Variants in ARHGAP10 observed in about 807,000 individuals in gnomAD.
ARHGAP10 encodes the protein Rho GTPase activating protein 10, also known as rho GTPase-activating protein 10.
ARHGAP10 carries 87 observed loss-of-function variants against 108.6 expected under a neutral mutation model. That is an observed-to-expected ratio of 0.80 (90% CI 0.67 to 0.96). The LOEUF is 0.96. Among genes scored for constraint, ARHGAP10 ranks in the 40% least tolerant of loss-of-function variants. ARHGAP10 has a pLI of 0.00. For missense variants in ARHGAP10, 939 were observed against 954.5 expected (o/e 0.98, Z 0.21); for synonymous variants, 347 against 341.1 (o/e 1.02, Z -0.19).
Position 147,767,830 on chromosome 4 carries a change from G to A in ARHGAP10, c.154+35375G>A, listed in dbSNP as rs115571120. Among the ~76,000 whole-genome samples, 570 of 152,332 alleles carry A rather than the reference G, an allele frequency of 3.7e-3. 6 individuals carry two copies. The highest frequency in any genetic ancestry group is 0.013 in the African/African-American group (532 of 41,580). ...AAAATTGAAAATAATTGTGATGGCA[G>A]TGGAGGACCAGTGAATAACATATTT... On this transcript the variant is annotated intron_variant, in intron 1 of 22. Transcript: ENST00000336498.
chr4:147,918,626 G>A (rs533400871), intron 13 of ARHGAP10, among the ~76,000 whole-genome samples: 8 of 152,266 alleles, frequency 5.3e-5, no homozygotes, highest in Middle Eastern at 3.4e-3. Flanking sequence ...CTGGACTTAG[G>A]GGCCCTTCAT....
At chr4:148,049,644 G>A (rs1311328914) in intron 20 of ARHGAP10, among the ~76,000 whole-genome samples, 1 of 152,000 alleles carries the variant, frequency 6.6e-6, no homozygotes, top group East Asian at 1.9e-4. Context: ...CCGTATTTCT[G>A]CTGATACTTA....
chr4:147,752,588 C>T lies in ARHGAP10; in HGVS notation c.154+20133C>T, dbSNP rs10004995. ...GGGTCTCATTTGTTGCTTAGGCTGG[C>T]GTGATCTTGGCTCACTGCAACCTCC... On this transcript the variant is annotated intron_variant, in intron 1 of 22. Coordinates refer to ENST00000336498, the MANE Select transcript of ARHGAP10 (RefSeq NM_024605.4). Among the ~76,000 whole-genome samples, 1,398 of 150,538 alleles carry T rather than the reference C, an allele frequency of 9.3e-3. 14 individuals are homozygous for T. The highest frequency in any genetic ancestry group is 0.032 in the African/African-American group (1,326 of 40,888).
intron 4 of ARHGAP10, among the ~76,000 whole-genome samples, chr4:147,855,752 A>T (rs146575703): frequency 2.6e-5 from 4 of 151,770 alleles, no homozygotes; most frequent in Non-Finnish European, 5.9e-5. Flanking sequence ...AAAAGGGAAG[A>T]AACCTCAGTT....
intron 16 of ARHGAP10, among the ~76,000 whole-genome samples, chr4:147,957,473 G>A (rs893022101): frequency 6.6e-6 from 1 of 152,116 alleles, no homozygotes; most frequent in South Asian, 2.1e-4. Flanking sequence ...TTGGAAAATC[G>A]GGATTGTGGT....
chr4:147,976,723 T>G (rs1490615994), intron 18 of ARHGAP10, among the ~76,000 whole-genome samples: 1 of 152,198 alleles, frequency 6.6e-6, no homozygotes, highest in Non-Finnish European at 1.5e-5. Context: ...TGGAAGCTTC[T>G]GCTGTCATGT....
At chr4:147,743,634 G>A (rs1728786382) in intron 1 of ARHGAP10, among the ~76,000 whole-genome samples, 1 of 152,092 alleles carries the variant, frequency 6.6e-6, no homozygotes, top group Non-Finnish European at 1.5e-5. Flanking sequence ...AAAATTAACT[G>A]GGCATGGTGG....
At chr4:147,969,330 T>TC (rs1273257678) in intron 18 of ARHGAP10, among the ~76,000 whole-genome samples, 1 of 144,452 alleles carries the variant, frequency 6.9e-6, no homozygotes, top group Non-Finnish European at 1.5e-5. Flanking sequence ...TTGCCTTTTT[T>TC]TTTTTTTTTT....
chr4:147,886,823 G>A (rs1404570436), intron 10 of ARHGAP10, among the ~76,000 whole-genome samples: 1 of 151,996 alleles, frequency 6.6e-6, no homozygotes, highest in Non-Finnish European at 1.5e-5. Context: ...CAGGCTGGAG[G>A]GCAGTGGCAC....
intron 1 of ARHGAP10, among the ~76,000 whole-genome samples, chr4:147,746,404 C>CTT (rs557860855): frequency 2.8e-4 from 37 of 131,532 alleles, no homozygotes; most frequent in African/African-American, 9.5e-4. Flanking sequence ...GCCAGGCCTG[C>CTT]TTTTTTTTTT....
At chr4:148,005,053 C>T (rs1041098441) in intron 18 of ARHGAP10, among the ~76,000 whole-genome samples, 15 of 152,264 alleles carry the variant, frequency 9.9e-5, no homozygotes, top group African/African-American at 3.6e-4. Flanking sequence ...AATCTCATGC[C>T]ACTTGCTGAT....
chr4:147,835,926 A>G (rs1228170853), intron 3 of ARHGAP10, among the ~76,000 whole-genome samples: 4 of 152,234 alleles, frequency 2.6e-5, no homozygotes, highest in African/African-American at 7.2e-5. Flanking sequence ...CCTTATGCAC[A>G]GAGGGAAGGA....
chr4:147,995,922 T>G (rs543366181), intron 18 of ARHGAP10, among the ~76,000 whole-genome samples: 1 of 152,286 alleles, frequency 6.6e-6, no homozygotes, highest in Non-Finnish European at 1.5e-5. Context: ...TTTCACCATG[T>G]CAGCCAGGAT....
At chr4:148,023,565 T>A (rs1741654970) in intron 19 of ARHGAP10, 152 bp downstream of exon 19, 2 of 932,376 alleles carry the variant, frequency 2.1e-6, no homozygotes, top group African/African-American at 3.4e-5. Context: ...AGGGTGAAGC[T>A]TTTTTGTAAG....
chr4:147,928,267 C>T (rs1309427070), intron 13 of ARHGAP10, among the ~76,000 whole-genome samples: 1 of 152,272 alleles, frequency 6.6e-6, no homozygotes, highest in East Asian at 1.9e-4. Context: ...ATTTGCTTTG[C>T]ACTTTTTAAA....
At position 147,757,699 on chromosome 4, in the gene ARHGAP10, C is replaced by T. The variant is rs111808390; in HGVS notation, c.154+25244C>T. ...TGAGTGTCCTCAGCTTCACCTTCCA[C>T]GACTGCACACCTGGGTACTTAACCT... On this transcript the variant is annotated intron_variant, in intron 1 of 22. Transcript: ENST00000336498. 4.4e-3 allele frequency among the ~76,000 whole-genome samples: 677 copies of T among 152,366 alleles called. 8 individuals are homozygous for T. Among genetic ancestry groups the T allele is most frequent in the East Asian group, 0.034 (176 of 5,188 alleles).
intron 1 of ARHGAP10, among the ~76,000 whole-genome samples, chr4:147,753,169 GA>G (rs1227166913): frequency 6.6e-6 from 1 of 152,128 alleles, no homozygotes; most frequent in African/African-American, 2.4e-5. Flanking sequence ...TGGAAAGCTG[GA>G]AATAAAACTC....
chr4:147,763,746 CTTTTTTT>C lies in ARHGAP10; in HGVS notation c.154+31310_154+31316del, dbSNP rs35774782. 1.8e-4 allele frequency among the ~76,000 whole-genome samples: 17 copies of C among 93,168 alleles called. 1 individual carries two copies. Among genetic ancestry groups the C allele is most frequent in the East Asian group, 6.9e-4 (2 of 2,890 alleles). The allele number at this position is 93,168 out of a possible 152,430, so 61.1% of individuals were successfully genotyped here. The stretch of plus-strand genomic sequence containing the variant: ...AATTTTTATAGACAGATGGTGATTC[CTTTTTTT>C]TTTTTTTTTTTTTTTTTTAAAAACA... On this transcript the variant is annotated intron_variant, in intron 1 of 22. Transcript: ENST00000336498.
At chr4:147,834,157 T>G (rs2126801042) in intron 3 of ARHGAP10, among the ~76,000 whole-genome samples, 1 of 152,366 alleles carries the variant, frequency 6.6e-6, no homozygotes, top group East Asian at 1.9e-4. Flanking sequence ...AGTCTACTCC[T>G]GTGATAACCC....
Sources: allele counts gnomAD v4.1 joint callset (sites outside exome capture counted in the v4.1 genomes callset), GRCh38; gene constraint gnomAD v4.1.1; transcripts MANE v1.5; gene names NCBI Gene and HGNC (gene_info 2026-07-23, HGNC 2026-07-21).